Variants in MEAF6 observed in about 807,000 individuals in gnomAD.
MEAF6 encodes chromatin modification-related protein MEAF6.
A neutral mutation model predicts 28.9 loss-of-function variants in MEAF6; 15 were observed. The observed-to-expected ratio is 0.52, with a 90% confidence interval of 0.35 to 0.80. The LOEUF (loss-of-function observed/expected upper bound fraction) is 0.80. Ranked by LOEUF, MEAF6 falls within the 30% of genes least tolerant of loss-of-function variation. The pLI, the probability that MEAF6 is intolerant of heterozygous loss-of-function variation, is 0.01. For missense variants in MEAF6, 178 were observed against 237.5 expected (o/e 0.75, Z 1.65); for synonymous variants, 97 against 88.7 (o/e 1.09, Z -0.53).
Position 37,514,756 on chromosome 1 carries a change from A to AGGCG in MEAF6, c.-14_-11dup, listed in dbSNP as rs1405492837. The AGGCG allele has an allele frequency of 2.1e-6, 3 of 1,408,824 alleles. No homozygotes were observed. The highest frequency in any genetic ancestry group is 2.8e-6 in the Non-Finnish European group (3 of 1,075,080). 87.3% of individuals were successfully genotyped at this position (1,408,824 alleles called of 1,614,324 possible). On this transcript the variant is annotated 5_prime_UTR_variant, in exon 1 of 7. Coordinates refer to ENST00000296214, the MANE Select transcript of MEAF6 (RefSeq NM_001270875.3). ...TGTTGTGCATCGCCATGTTGGGCTGAGGCGGGCGGCGGCGGCGCGAGGTTG... is the reference window on the plus strand; with the variant it reads ...TGTTGTGCATCGCCATGTTGGGCTGAGGCGGGCGGGCGGCGGCGGCGCGAGGTTG...
chr1:37,514,619 G>C (rs755706039), intron 1 of MEAF6, 38 bp downstream of exon 1: 7 of 1,437,678 alleles, frequency 4.9e-6, no homozygotes, highest in Non-Finnish European at 4.6e-6. Context: ...GGCGGGCGCG[G>C]AGCCCCATGC....
Position 37,490,160 on chromosome 1 carries a change from C to T in MEAF6, c.*3939G>A, listed in dbSNP as rs1005822774. ...AGGCCTAATCTTTTCTTCCCACCCC[C>T]ACCCAGCCATCCTGTGTGCCCTCTT... On this transcript the variant is annotated 3_prime_UTR_variant, in exon 7 of 7. Transcript: ENST00000296214. Among the ~76,000 whole-genome samples, 2 of 151,924 alleles carry T rather than the reference C, an allele frequency of 1.3e-5. No individual in the cohort carries two copies. The highest frequency in any genetic ancestry group is 1.3e-4 in the Admixed American group (2 of 15,236).
rs1165181226 is a variant in MEAF6 at position 37,492,179 on chromosome 1, C to T, written c.*1920G>A. Among the ~76,000 whole-genome samples, 1 of 152,130 alleles carries T rather than the reference C, an allele frequency of 6.6e-6. No homozygotes were observed. Among genetic ancestry groups the T allele is most frequent in the East Asian group, 1.9e-4 (1 of 5,190 alleles). On this transcript the variant is annotated 3_prime_UTR_variant, in exon 7 of 7. Transcript: ENST00000296214. ...GAGTAGCTGGGACTACCGGCACCCG[C>T]CACCACGCTCAGCTAATTTTTTGCA...
At chr1:37,509,090 G>C (rs1010662418) in intron 4 of MEAF6, among the ~76,000 whole-genome samples, 188 bp downstream of exon 4, 5 of 152,162 alleles carry the variant, frequency 3.3e-5, no homozygotes, top group Admixed American at 2.6e-4. Flanking sequence ...GTGAGACCTT[G>C]TCTGGGTCGG....
At chr1:37,503,818 A>C (rs114006433) in intron 4 of MEAF6, among the ~76,000 whole-genome samples, 226 of 152,134 alleles carry the variant, frequency 1.5e-3, no homozygotes, top group Non-Finnish European at 2.4e-3. Context: ...AAAATTAACC[A>C]GGTGTGGCGG....
In MEAF6 at chr1:37,492,607, G is replaced by C. The variant is rs1490502375; in HGVS notation, c.*1492C>G. ...CCCACAAAAGTTTATTTGAGAACAA[G>C]AGTGAAAGCTTTTGCACATCTGACA... is the stretch of plus-strand genomic sequence containing the variant. On this transcript the variant is annotated 3_prime_UTR_variant, in exon 7 of 7. Coordinates refer to ENST00000296214, the MANE Select transcript of MEAF6 (RefSeq NM_001270875.3). 2 of 127,648 alleles carry C rather than the reference G, an allele frequency of 1.6e-5. No homozygotes were observed. Among genetic ancestry groups the C allele is most frequent in the Non-Finnish European group, 3.3e-5 (2 of 60,530 alleles). 7.9% of individuals were successfully genotyped at this position (127,648 alleles called of 1,614,324 possible).
intron 1 of MEAF6, chr1:37,514,414 G>A (rs898054141): frequency 9.3e-5 from 26 of 278,144 alleles, no homozygotes; most frequent in Admixed American, 4.9e-4. Context: ...GCCCCCTCCT[G>A]CGGCTGCCGC....
chr1:37,509,595 G>T, intron 2 of MEAF6, 53 bp from the exon 3 acceptor site: 1 of 1,494,604 alleles, frequency 6.7e-7, no homozygotes, highest in Non-Finnish European at 9.3e-7. Context: ...TATGGCTCAA[G>T]CTGGGGATGC....
rs373892103 is a variant in MEAF6, at chr1:37,490,058, T to C, written c.*4041A>G. Among the ~76,000 whole-genome samples, 22 of 152,216 alleles carry C rather than the reference T, an allele frequency of 1.4e-4. No individual in the cohort carries two copies. The highest frequency in any genetic ancestry group is 8.8e-5 in the Non-Finnish European group (6 of 68,046). On this transcript the variant is annotated 3_prime_UTR_variant, in exon 7 of 7. Transcript: ENST00000296214. Reference sequence around the variant, plus strand: ...GTACTAATGAACTAATATTGATGTATATTTGATGTATATATATAAAATACA... The same window carrying C: ...GTACTAATGAACTAATATTGATGTACATTTGATGTATATATATAAAATACA...
intron 2 of MEAF6, among the ~76,000 whole-genome samples, chr1:37,509,974 GC>G (rs1642612134): frequency 6.6e-6 from 1 of 151,674 alleles, no homozygotes; most frequent in Non-Finnish European, 1.5e-5. Context: ...ACGGGGTTTT[GC>G]CATGTTGGTC....
chr1:37,506,813 G>C (rs980993816), intron 4 of MEAF6, among the ~76,000 whole-genome samples: 13 of 152,090 alleles, frequency 8.5e-5, no homozygotes, highest in African/African-American at 2.9e-4. Flanking sequence ...TGAGTAGCTG[G>C]GACTATTGGC....
intron 5 of MEAF6, chr1:37,501,368 C>T (rs1460008465): frequency 6.5e-6 from 1 of 154,210 alleles, no homozygotes; most frequent in Non-Finnish European, 1.4e-5. Flanking sequence ...CATGTCAAAT[C>T]AGTTCTCTCC....
intron 4 of MEAF6, among the ~76,000 whole-genome samples, chr1:37,504,342 A>T (rs942595297): frequency 6.6e-6 from 1 of 152,216 alleles, no homozygotes; most frequent in African/African-American, 2.4e-5. Flanking sequence ...GTGAAAACAG[A>T]TTAATACAGG....
At chr1:37,496,488 T>C (rs752328932) in intron 5 of MEAF6, 1 of 894,954 alleles carries the variant, frequency 1.1e-6, no homozygotes, top group Non-Finnish European at 1.5e-6. Flanking sequence ...TAAAAGAAAT[T>C]AAAATGCATA....
intron 5 of MEAF6, among the ~76,000 whole-genome samples, chr1:37,496,297 TAAC>T (rs1387294437): frequency 6.6e-6 from 1 of 152,196 alleles, no homozygotes; most frequent in Non-Finnish European, 1.5e-5. Context: ...ACATGGTGAT[TAAC>T]AACAGGAAAG....
Position 37,501,807 on chromosome 1 carries a change from T to C in MEAF6, c.530A>G (p.His177Arg). ...GGGTGGGATCCCTGCCACTGACCTGTGCCGGTTTTTATTCTTTCGCTTTTT... is the reference window on the plus strand; with the variant it reads ...GGGTGGGATCCCTGCCACTGACCTGCGCCGGTTTTTATTCTTTCGCTTTTT... ...SHKKRKNKNRHRIDLKLNKKP... is the reference protein window; with the variant it reads ...SHKKRKNKNRRRIDLKLNKKP... The change falls in exon 5 of 7, where the codon CAC becomes CGC. Residue 177 changes from histidine (H) to arginine (R), a missense_variant. Around this residue, in one of 2 missense-constraint regions of MEAF6, gnomAD observed 124 missense variants for 200.5 expected, o/e 0.62. Coordinates refer to ENST00000296214, the MANE Select transcript of MEAF6 (RefSeq NM_001270875.3). The C allele has an allele frequency of 1.9e-6, 3 of 1,583,356 alleles. No homozygotes were observed. The highest frequency in any genetic ancestry group is 2.6e-6 in the Non-Finnish European group (3 of 1,158,242).
chr1:37,510,381 ATTTTTT>A (rs34785696), intron 2 of MEAF6, among the ~76,000 whole-genome samples: 7 of 95,018 alleles, frequency 7.4e-5, no homozygotes, highest in Admixed American at 1.5e-4. Context: ...GCACCTAGCC[ATTTTTT>A]TTTTTTTTTT....
intron 5 of MEAF6, 156 bp downstream of exon 5, chr1:37,501,648 C>A: frequency 1.5e-6 from 1 of 648,576 alleles, no homozygotes. Context: ...CCAATTCCTC[C>A]CTTTGAGCAA....
chr1:37,512,540 T>A (rs540757129), intron 2 of MEAF6, among the ~76,000 whole-genome samples: 1 of 152,284 alleles, frequency 6.6e-6, no homozygotes, highest in East Asian at 1.9e-4. Context: ...AGAAATTTTT[T>A]AAAAATAATA....
Sources: gnomAD v4.1 joint callset for allele counts (sites outside exome capture counted in the v4.1 genomes callset) on GRCh38, gnomAD v4.1.1 for gene constraint, gnomAD v4.1.1 regional missense constraint, MANE v1.5 for transcripts, NCBI Gene and HGNC (gene_info 2026-07-23, HGNC 2026-07-21) for gene names.